Variants in TMEM165 observed in about 807,000 individuals in gnomAD.
TMEM165 encodes putative divalent cation/proton antiporter TMEM165.
Under a neutral mutation model 30.0 loss-of-function variants are expected in TMEM165, and 19 were observed. That is an observed-to-expected ratio of 0.63 (90% CI 0.44 to 0.93). TMEM165 has a LOEUF of 0.93. TMEM165 is among the 40% of genes least tolerant of loss of function. The pLI is 0.00. For missense variants in TMEM165, 340 were observed against 417.0 expected (o/e 0.82, Z 1.61); for synonymous variants, 168 against 162.9 (o/e 1.03, Z -0.24).
chr4:55,400,287 ATT>A (rs1720920494), intron 1 of TMEM165, among the ~76,000 whole-genome samples: 1 of 97,964 alleles, frequency 1.0e-5, no homozygotes, highest in Non-Finnish European at 1.8e-5. Context: ...AATATTATAT[ATT>A]ATATATAATA....
rs187517799 is a variant in TMEM165 at position 55,450,057 on chromosome 4, T to C, written c.409-2182T>C. 283 of 1,613,364 alleles carry C rather than the reference T, an allele frequency of 1.8e-4. 1 individual carries two copies. The African/African-American group carries it at 3.1e-3, about 17-fold the overall frequency. On this transcript the variant is annotated intron_variant, in intron 3 of 3. Coordinates refer to the TMEM165 transcript ENST00000608091. ...TAACTAAAAGTTTAGTTAGTTACTT[T>C]AAAGGAAGTCTGCTTTGAAGCAAGG...
intron 3 of TMEM165, chr4:55,431,579 T>C (rs987492140): frequency 1.3e-5 from 2 of 152,284 alleles, no homozygotes; most frequent in Admixed American, 6.5e-5. Flanking sequence ...GCAACATTAA[T>C]ATCCAGTGTT....
chr4:55,420,512 G>A (rs1047103040), intron 4 of TMEM165, among the ~76,000 whole-genome samples: 5 of 151,898 alleles, frequency 3.3e-5, no homozygotes, highest in African/African-American at 9.7e-5. Flanking sequence ...TTTGTGGATC[G>A]GTTTGCAGAT....
intron 2 of TMEM165, among the ~76,000 whole-genome samples, chr4:55,413,703 CTT>C (rs781425099): frequency 6.6e-6 from 1 of 152,192 alleles, no homozygotes; most frequent in African/African-American, 2.4e-5. Context: ...ATGAAGAACA[CTT>C]ATATAACTTT....
rs11542641 is a variant in TMEM165, at chr4:55,411,700, C to T, written c.294C>T (p.Val98=). 4,291 of 1,614,072 alleles carry T rather than the reference C, an allele frequency of 2.7e-3. 10 individuals are homozygous for T. The highest frequency in any genetic ancestry group is 3.1e-3 in the Non-Finnish European group (3,632 of 1,180,010). The change falls in exon 2 of 6, where the codon GTC becomes GTT. Residue 98 remains valine (V), a synonymous_variant. Transcript: ENST00000381334. ...QTNLGFIHAF[V]AAISVIIVSE... ...ATTTGGGATTTATCCATGCATTTGT[C>T]GCTGCCATATCAGTTATTATTGTAT...
At chr4:55,449,628 G>A (rs1191189855) in intron 3 of TMEM165, 8 of 740,694 alleles carry the variant, frequency 1.1e-5, no homozygotes, top group South Asian at 4.9e-5. Context: ...TGAAAGTGAA[G>A]TCCATGACAG....
Position 55,396,425 on chromosome 4 carries a change from G to T in TMEM165, c.207+29G>T, listed in dbSNP as rs1578223963. The T allele has an allele frequency of 2.1e-6, 3 of 1,405,752 alleles. No homozygotes were observed. In the East Asian group the frequency reaches 9.0e-5, roughly 42 times the overall value. 87.1% of individuals were successfully genotyped at this position (1,405,752 alleles called of 1,614,324 possible). A position where few individuals can be genotyped will look rare whatever the true frequency, so the allele number is the denominator to read the frequency against. On this transcript the variant is annotated intron_variant, in intron 1 of 5. Transcript: ENST00000381334. ...AGCGGGCCGGGATGGGGCGAGCGAG[G>T]CTGCAGGGCCGGCTGCGCCGAGTAC...
At chr4:55,439,303 CACA>C (rs1179238492) in intron 3 of TMEM165, among the ~76,000 whole-genome samples, 2 of 152,090 alleles carry the variant, frequency 1.3e-5, no homozygotes, top group African/African-American at 4.8e-5. Flanking sequence ...AAATCAAAAC[CACA>C]ACAAGAGGCT....
At chr4:55,447,514 G>C (rs1194119617) in intron 3 of TMEM165, among the ~76,000 whole-genome samples, 3 of 152,102 alleles carry the variant, frequency 2.0e-5, no homozygotes, top group East Asian at 3.9e-4. Flanking sequence ...AACAAACACA[G>C]AAGGTAGGAT....
At chr4:55,430,421 GGAAA>G (rs1260005449), downstream of TMEM165, 6 of 152,150 alleles carry the variant, frequency 3.9e-5, no homozygotes, top group Admixed American at 3.3e-4. Flanking sequence ...ACAGTCACAT[GGAAA>G]GAAAGTATTT....
In TMEM165 at chr4:55,396,283, C is replaced by A; in HGVS notation, c.94C>A (p.Arg32=). The A allele has an allele frequency of 6.6e-7, 1 of 1,524,182 alleles. No individual in the cohort carries two copies. Among genetic ancestry groups the A allele is most frequent in the Non-Finnish European group, 8.8e-7 (1 of 1,141,674 alleles). 94.4% of individuals were successfully genotyped at this position (1,524,182 alleles called of 1,614,324 possible). The change falls in exon 1 of 6, where the codon CGG becomes AGG. Residue 32 remains arginine, a synonymous_variant. Transcript: ENST00000381334. The part of the protein sequence containing the change: ...VPLLWAPAAV[R]AGPDEDLSHR... ...GCTGCTGTGGGCCCCGGCTGCGGTC[C>A]GGGCCGGCCCAGATGAAGACCTTAG...
intron 2 of TMEM165, among the ~76,000 whole-genome samples, chr4:55,414,464 T>C (rs1721648645): frequency 6.6e-6 from 1 of 152,120 alleles, no homozygotes; most frequent in South Asian, 2.1e-4. Context: ...TACTTTATGT[T>C]CTGGGATACA....
intron 5 of TMEM165, among the ~76,000 whole-genome samples, chr4:55,425,054 G>A (rs935300680): frequency 1.1e-4 from 17 of 152,168 alleles, no homozygotes; most frequent in Non-Finnish European, 1.9e-4. Context: ...CTAGTCAGAA[G>A]ACCTGAACAT....
chr4:55,444,590 A>T (rs1258906167), intron 3 of TMEM165: 1 of 1,612,988 alleles, frequency 6.2e-7, no homozygotes, highest in Admixed American at 1.7e-5. Flanking sequence ...GAAATCCAAA[A>T]TGTGAATGGG....
At chr4:55,399,761 A>G (rs1720875700) in intron 1 of TMEM165, among the ~76,000 whole-genome samples, 1 of 152,092 alleles carries the variant, frequency 6.6e-6, no homozygotes. Context: ...AGGTCTTCTT[A>G]TAGCTCATAA....
At chr4:55,432,424 C>T (rs996404645) in intron 3 of TMEM165, 1 of 150,350 alleles carries the variant, frequency 6.7e-6, no homozygotes, top group Admixed American at 6.6e-5. Flanking sequence ...CTAAAAAGTA[C>T]CACCCAGAAT....
At chr4:55,397,880 T>G (rs1720794973) in intron 1 of TMEM165, among the ~76,000 whole-genome samples, 2 of 151,418 alleles carry the variant, frequency 1.3e-5, no homozygotes, top group Admixed American at 1.3e-4. Context: ...ACTGCATGCG[T>G]GTGCTGACAC....
Position 55,417,882 on chromosome 4 carries a change from T to G in TMEM165, c.689T>G (p.Leu230Trp), listed in dbSNP as rs1447419447. The change falls in exon 4 of 6, where the codon TTG (leucine) becomes TGG (tryptophan). Residue 230 changes from leucine (L) to tryptophan (W), a missense_variant. Coordinates refer to ENST00000381334, the MANE Select transcript of TMEM165 (RefSeq NM_018475.5). The stretch of plus-strand genomic sequence containing the variant: ...ATAACAGTACCTCAGAAAAAGTGGT[T>G]GCATTTTATTTCACCCATTTTTGTT... ...TSITVPQKKWLHFISPIFVQA... is the reference protein window; with the variant it reads ...TSITVPQKKWWHFISPIFVQA... 6.2e-7 allele frequency: 1 copy of G among 1,614,132 alleles called. No individual in the cohort carries two copies. Among genetic ancestry groups the G allele is most frequent in the Non-Finnish European group, 8.5e-7 (1 of 1,179,998 alleles).
At chr4:55,431,785 A>G (rs995008009) in intron 3 of TMEM165, 1 of 152,240 alleles carries the variant, frequency 6.6e-6, no homozygotes, top group Admixed American at 6.5e-5. Context: ...AATGTAGTGG[A>G]AACATCTGAA....
Sources: allele counts gnomAD v4.1 joint callset (sites outside exome capture counted in the v4.1 genomes callset), GRCh38; gene constraint gnomAD v4.1.1; transcripts MANE v1.5; gene names NCBI Gene and HGNC (gene_info 2026-07-23, HGNC 2026-07-21).